Variants in C6orf58 observed in about 807,000 individuals in gnomAD.
C6orf58 encodes chromosome 6 open reading frame 58, also known as protein LEG1 homolog.
In C6orf58, 30 loss-of-function variants were observed where a neutral mutation model predicts 37.0. The observed-to-expected ratio is 0.81, with a 90% CI of 0.61 to 1.10. The LOEUF (loss-of-function observed/expected upper bound fraction) is 1.10, where lower values mean the gene tolerates loss of function less well. C6orf58 is among the 50% of genes least tolerant of loss of function. The probability of loss-of-function intolerance (pLI) is 0.00; values close to 1 mark genes in which losing one functional copy is unlikely to be tolerated. For synonymous variants in C6orf58, 143 were observed against 134.1 expected, an observed-to-expected ratio of 1.07 and a Z score of -0.46; for missense variants, 368 against 387.5, an observed-to-expected ratio of 0.95 and a Z score of 0.42.
In C6orf58 at chr6:127,586,743, T is replaced by A. The variant is rs1775111394; in HGVS notation, c.675-3344T>A. On this transcript the variant is annotated intron_variant, in intron 4 of 5. Coordinates refer to ENST00000329722, the MANE Select transcript of C6orf58 (RefSeq NM_001010905.3). ...GGCCTGGCTGTTAGTATTATTGAAG[T>A]CAAGAGAGAAGGAAGAAGCAAGGGG... Among the ~76,000 whole-genome samples the A allele has an allele frequency of 2.0e-5, 3 of 152,206 alleles. No homozygotes were observed. The South Asian group carries it at 6.2e-4, about 31-fold the overall frequency.
chr6:127,577,397 C>A lies in C6orf58; in HGVS notation c.212C>A (p.Thr71Lys). ...ATGTATAAAATCATATTGAATCAGACAGCCAGGTATTTTGCAAAATTTGCA... is the reference window on the plus strand; with the variant it reads ...ATGTATAAAATCATATTGAATCAGAAAGCCAGGTATTTTGCAAAATTTGCA... The part of the protein sequence containing the change: ...MGMYKIILNQ[T>K]ARYFAKFAPD... The change falls in exon 1 of 6, where the codon ACA (threonine) becomes AAA (lysine). Residue 71 changes from threonine (T) to lysine (K), a missense_variant. By Grantham distance (78) the Thr-to-Lys change is moderately conservative. Transcript: ENST00000329722. The A allele has an allele frequency of 6.2e-7, 1 of 1,613,458 alleles. No individual in the cohort carries two copies.
intron 4 of C6orf58, among the ~76,000 whole-genome samples, chr6:127,587,370 T>TA (rs1289103062): frequency 3.3e-5 from 5 of 152,174 alleles, no homozygotes; most frequent in Non-Finnish European, 5.9e-5. Flanking sequence ...TTAAGAAAGC[T>TA]AAAAATACAT....
chr6:127,586,253 C>CAGTCAGGCACACTGACAGGAAA (rs1562160774), intron 4 of C6orf58, among the ~76,000 whole-genome samples: 1 of 152,122 alleles, frequency 6.6e-6, no homozygotes, highest in East Asian at 1.9e-4. Context: ...CACAGACTTT[C>CAGTCAGGCACACTGACAGGAAA]AGTCAGGCAC....
intron 4 of C6orf58, among the ~76,000 whole-genome samples, chr6:127,581,618 GA>G (rs1256050567): frequency 6.6e-6 from 1 of 151,872 alleles, no homozygotes; most frequent in Non-Finnish European, 1.5e-5. Flanking sequence ...ACTGTTACAA[GA>G]AAAACTATAG....
intron 4 of C6orf58, among the ~76,000 whole-genome samples, chr6:127,583,743 T>C (rs1015838970): frequency 6.6e-6 from 1 of 152,202 alleles, no homozygotes; most frequent in African/African-American, 2.4e-5. Flanking sequence ...ATGGAAAATC[T>C]GGTTGTTATC....
At chr6:127,586,826 T>C (rs1775112380) in intron 4 of C6orf58, among the ~76,000 whole-genome samples, 1 of 152,206 alleles carries the variant, frequency 6.6e-6, no homozygotes, top group Non-Finnish European at 1.5e-5. Context: ...CAAGGTGGTG[T>C]TCCTACCTTC....
intron 2 of C6orf58, among the ~76,000 whole-genome samples, chr6:127,580,028 TCAA>T (rs1775031174): frequency 6.6e-6 from 1 of 152,108 alleles, no homozygotes. Flanking sequence ...TAAAATATAG[TCAA>T]CTACTTTAGC....
At chr6:127,583,713 T>G (rs1331505333) in intron 4 of C6orf58, among the ~76,000 whole-genome samples, 2 of 152,196 alleles carry the variant, frequency 1.3e-5, no homozygotes, top group African/African-American at 4.8e-5. Flanking sequence ...CCAAAAGAAC[T>G]GATCTCTAGG....
intron 5 of C6orf58, 108 bp from the exon 6 acceptor site, chr6:127,591,435 T>A: frequency 1.0e-6 from 1 of 997,460 alleles, no homozygotes. Flanking sequence ...GATTTTACCA[T>A]TAAATTAGTA....
intron 3 of C6orf58, among the ~76,000 whole-genome samples, 155 bp from the exon 4 acceptor site, chr6:127,581,027 T>C (rs1283266616): frequency 6.6e-6 from 1 of 152,048 alleles, no homozygotes; most frequent in African/African-American, 2.4e-5. Flanking sequence ...ATTTAAAGAG[T>C]GTTAGGCATT....
chr6:127,589,215 G>C (rs145501447), intron 4 of C6orf58, among the ~76,000 whole-genome samples: 6 of 152,282 alleles, frequency 3.9e-5, no homozygotes, highest in Non-Finnish European at 7.4e-5. Context: ...ATATAGAAGA[G>C]AAGAAAGTGG....
At chr6:127,580,833 T>A (rs1775042086) in intron 3 of C6orf58, among the ~76,000 whole-genome samples, 1 of 152,108 alleles carries the variant, frequency 6.6e-6, no homozygotes, top group South Asian at 2.1e-4. Flanking sequence ...ATTGCATTAG[T>A]TTAGATCTAA....
chr6:127,587,374 A>T (rs1775117927), intron 4 of C6orf58, among the ~76,000 whole-genome samples: 2 of 152,214 alleles, frequency 1.3e-5, no homozygotes, highest in Admixed American at 6.5e-5. Context: ...GAAAGCTAAA[A>T]ATACATGTTT....
Position 127,581,217 on chromosome 6 carries a change from G to T in C6orf58, c.609G>T (p.Leu203=), listed in dbSNP as rs1775046518. 6 of 1,537,360 alleles carry T rather than the reference G, an allele frequency of 3.9e-6. No homozygotes were observed. In the East Asian group the frequency reaches 1.4e-4, roughly 37 times the overall value. The change falls in exon 4 of 6, where the codon CTG becomes CTT. Residue 203 remains leucine, a synonymous_variant. Coordinates refer to ENST00000329722, the MANE Select transcript of C6orf58 (RefSeq NM_001010905.3). ...CACCTTTTAGTAAGTTTGATGATCT[G>T]TTGAAGTACTTATGGGCTGCACACA... ...LQSPFSKFDD[L]LKYLWAAHTS...
At chr6:127,586,831 A>G (rs1054459072) in intron 4 of C6orf58, among the ~76,000 whole-genome samples, 1 of 152,144 alleles carries the variant, frequency 6.6e-6, no homozygotes, top group African/African-American at 2.4e-5. Flanking sequence ...TGGTGTTCCT[A>G]CCTTCAACCA....
At chr6:127,580,217 T>G (rs1775034067) in intron 2 of C6orf58, 48 bp from the exon 3 acceptor site, 32 of 1,414,322 alleles carry the variant, frequency 2.3e-5, no homozygotes, top group Non-Finnish European at 2.9e-5. Context: ...ATATCCTCTT[T>G]GAAATTTGTT....
chr6:127,586,574 G>A (rs1421532308), intron 4 of C6orf58, among the ~76,000 whole-genome samples: 1 of 152,256 alleles, frequency 6.6e-6, no homozygotes, highest in Non-Finnish European at 1.5e-5. Flanking sequence ...TGTGGGGAAG[G>A]TTGGAGGATC....
chr6:127,582,344 C>T (rs1043089325), intron 4 of C6orf58, among the ~76,000 whole-genome samples: 1 of 152,054 alleles, frequency 6.6e-6, no homozygotes, highest in Non-Finnish European at 1.5e-5. Context: ...ATGAATTGAA[C>T]CAACATAAAT....
rs1775001626 is a variant in C6orf58 at position 127,577,436 on chromosome 6, A to G, written c.251A>G (p.Gln84Arg). 1 of 1,613,752 alleles carries G rather than the reference A, an allele frequency of 6.2e-7. No individual in the cohort carries two copies. Among genetic ancestry groups the G allele is most frequent in the Admixed American group, 1.7e-5 (1 of 59,992 alleles). The change falls in exon 1 of 6, where the codon CAG (glutamine) becomes CGG (arginine). Residue 84 changes from glutamine (Q) to arginine (R), a missense_variant. Gln to Arg is a conservative substitution (Grantham distance 43). Transcript: ENST00000329722. The part of the protein sequence containing the change: ...YFAKFAPDNE[Q>R]NILWGLPLQY... The stretch of plus-strand genomic sequence containing the variant: ...GCAAAATTTGCACCAGATAATGAAC[A>G]GAATATTTTATGGGGGTTGCCTCTG...
Sources: gnomAD v4.1 joint callset for allele counts (sites outside exome capture counted in the v4.1 genomes callset) on GRCh38, gnomAD v4.1.1 for gene constraint, MANE v1.5 for transcripts, NCBI Gene and HGNC (gene_info 2026-07-23, HGNC 2026-07-21) for gene names.